The following MYH13 variants were observed in gnomAD, a reference collection of about 807,000 sequenced individuals.
MYH13 encodes the protein myosin-13.
MYH13 carries 177 observed loss-of-function variants against 232.1 expected under a neutral mutation model. The observed-to-expected ratio is 0.76, with a 90% CI of 0.67 to 0.86. MYH13 has a LOEUF of 0.86. MYH13 is among the 40% of genes least tolerant of loss of function. MYH13 has a pLI of 0.00. For synonymous variants in MYH13, 884 were observed against 923.5 expected (o/e 0.96, Z 0.78); for missense variants, 2,246 against 2,405.9 (o/e 0.93, Z 1.39).
chr17:10,345,651 A>G (rs2071658267), intron 13 of MYH13, 35 bp from the exon 14 acceptor site: 1 of 1,614,002 alleles, frequency 6.2e-7, no homozygotes, highest in Non-Finnish European at 8.5e-7. Context: ...CCCTTGAGTT[A>G]GTGTTTCTAT....
Position 10,337,542 on chromosome 17 carries a change from C to G in MYH13, c.2056+2608G>C, listed in dbSNP as rs1202538058. Among the ~76,000 whole-genome samples the G allele has an allele frequency of 3.3e-5, 5 of 152,176 alleles. No homozygotes were observed. In the East Asian group the frequency reaches 7.7e-4, roughly 23 times the overall value. Reference sequence around the variant, plus strand: ...TGGATCGTGACTCCCAGCCCCTGCTCTAGGTGCCCTGGGGTAAGGCATGGA... The same window carrying G: ...TGGATCGTGACTCCCAGCCCCTGCTGTAGGTGCCCTGGGGTAAGGCATGGA... On this transcript the variant is annotated intron_variant, in intron 18 of 40. Transcript: ENST00000252172.
chr17:10,341,224 G>C (rs940025700), intron 16 of MYH13: 3 of 151,918 alleles, frequency 2.0e-5, no homozygotes, highest in Non-Finnish European at 4.4e-5. Flanking sequence ...TGTATTTTTA[G>C]TAGAGATGTT....
intron 7 of MYH13, among the ~76,000 whole-genome samples, chr17:10,359,215 A>G (rs1179280516): frequency 3.9e-5 from 6 of 152,198 alleles, no homozygotes; most frequent in Admixed American, 3.9e-4. Flanking sequence ...GCGTGATTAG[A>G]GAGTTGGAAC....
At chr17:10,328,554 A>C (rs1285042091) in intron 21 of MYH13, among the ~76,000 whole-genome samples, 2 of 151,928 alleles carry the variant, frequency 1.3e-5, no homozygotes, top group African/African-American at 4.8e-5. Flanking sequence ...TCCCTGTTTC[A>C]CTGCATTTTG....
intron 18 of MYH13, among the ~76,000 whole-genome samples, chr17:10,339,232 A>G (rs1413799784): frequency 6.6e-6 from 1 of 152,214 alleles, no homozygotes; most frequent in Non-Finnish European, 1.5e-5. Flanking sequence ...TCCGTGTGAC[A>G]GTTTGTTTTC....
Position 10,354,727 on chromosome 17 carries a change from C to G in MYH13, c.958G>C (p.Val320Leu), listed in dbSNP as rs370056539. 36 of 1,613,846 alleles carry G rather than the reference C, an allele frequency of 2.2e-5. No individual in the cohort carries two copies. The highest frequency in any genetic ancestry group is 2.5e-5 in the Non-Finnish European group (29 of 1,179,908). Residue 320 changes from valine (V) to leucine (L), a missense_variant, in exon 11 of 41, where the codon GTC becomes CTC. Val to Leu is a conservative substitution (Grantham distance 32). Coordinates refer to ENST00000252172, the MANE Select transcript of MYH13 (RefSeq NM_003802.3). ...FDFPFVSQGE[V>L]TVASIDDSEE... ...CTGTCATCGATACTGGCTACCGTGA[C>G]CTCTCCTTGGCTCACGAAGGGGAAG...
At chr17:10,321,493 A>G (rs775497245) in intron 24 of MYH13, 39 bp downstream of exon 24, 9 of 1,579,208 alleles carry the variant, frequency 5.7e-6, no homozygotes, top group Non-Finnish European at 7.8e-6. Flanking sequence ...TGCTTCCACA[A>G]GTGATAAATG....
At chr17:10,301,105 G>A (rs1466405015) in intron 40 of MYH13, 140 bp from the exon 41 acceptor site, 6 of 804,970 alleles carry the variant, frequency 7.5e-6, no homozygotes, top group African/African-American at 1.7e-5. Context: ...TTTGAACATT[G>A]TAAAAGCAAA....
At chr17:10,353,480 G>A (rs1206228357) in intron 11 of MYH13, among the ~76,000 whole-genome samples, 1 of 152,144 alleles carries the variant, frequency 6.6e-6, no homozygotes, top group Non-Finnish European at 1.5e-5. Context: ...TTGTATGGGT[G>A]GAGCCAACAA....
intron 12 of MYH13, among the ~76,000 whole-genome samples, chr17:10,349,567 G>C (rs2071694067): frequency 1.3e-5 from 2 of 151,976 alleles, no homozygotes; most frequent in Non-Finnish European, 2.9e-5. Context: ...CACTGTGATG[G>C]GCAGGATTCT....
At chr17:10,331,881 A>G (rs1773741240) in intron 20 of MYH13, among the ~76,000 whole-genome samples, 4 of 152,038 alleles carry the variant, frequency 2.6e-5, no homozygotes, top group African/African-American at 7.2e-5. Context: ...TCCTTGCTGC[A>G]TGGTGGGGCT....
chr17:10,353,680 C>G (rs2071726814), intron 11 of MYH13, among the ~76,000 whole-genome samples: 1 of 152,088 alleles, frequency 6.6e-6, no homozygotes, highest in African/African-American at 2.4e-5. Context: ...GCCTGGCCAA[C>G]ATGGCGAAAC....
intron 8 of MYH13, among the ~76,000 whole-genome samples, chr17:10,357,004 A>C (rs1393161839): frequency 6.6e-6 from 1 of 152,142 alleles, no homozygotes; most frequent in East Asian, 1.9e-4. Flanking sequence ...TCTGTTGCCC[A>C]GGCTGGAGTG....
rs781052633 is a variant in MYH13 at position 10,303,306 on chromosome 17, C to T, written c.5572-15G>A. ...TCCTCCTCAGCCTGCAAACAGAGTA[C>T]ACGTGGCAGGGGCCCGCAAACCTAT... is the stretch of plus-strand genomic sequence containing the variant. On this transcript the variant is annotated splice_polypyrimidine_tract_variant and intron_variant, in intron 38 of 40. Coordinates refer to ENST00000252172, the MANE Select transcript of MYH13 (RefSeq NM_003802.3). 3 of 1,613,900 alleles carry T rather than the reference C, an allele frequency of 1.9e-6. No homozygotes were observed. Among genetic ancestry groups the T allele is most frequent in the Admixed American group, 3.3e-5 (2 of 60,020 alleles).
intron 33 of MYH13, 80 bp from the exon 34 acceptor site, chr17:10,309,910 A>T: frequency 1.7e-6 from 2 of 1,195,410 alleles, no homozygotes; most frequent in Non-Finnish European, 2.3e-6. Context: ...CATACGATCA[A>T]ATGGGTATGC....
At chr17:10,323,998 T>G (rs2142237640) in intron 23 of MYH13, 24 bp downstream of exon 23, 1 of 1,612,702 alleles carries the variant, frequency 6.2e-7, no homozygotes, top group East Asian at 2.2e-5. Flanking sequence ...TAAGACACTG[T>G]GGGAGTCCCT....
rs372688195 is a variant in MYH13 at position 10,303,275 on chromosome 17, T to C, written c.5588A>G (p.Lys1863Arg). The C allele has an allele frequency of 5.0e-6, 8 of 1,613,652 alleles. No individual in the cohort carries two copies. In the African/African-American group the frequency reaches 9.3e-5, roughly 19 times the overall value. The stretch of plus-strand genomic sequence containing the variant: ...CAGGTCCTGGAGCCTAAGGATATTC[T>C]TGTGGTCCTCCTCAGCCTGCAAACA... ...EMTYQAEEDH[K>R]NILRLQDLVD... Residue 1863 changes from lysine (K) to arginine (R), a missense_variant, in exon 39 of 41, where the codon AAG becomes AGG. Transcript: ENST00000252172.
chr17:10,329,906 G>C (rs1158015166), intron 21 of MYH13, among the ~76,000 whole-genome samples: 1 of 151,904 alleles, frequency 6.6e-6, no homozygotes, highest in Non-Finnish European at 1.5e-5. Context: ...AGGCTGAGGC[G>C]GGAGAATCGC....
chr17:10,364,000 T>C (rs1212680206), intron 3 of MYH13, among the ~76,000 whole-genome samples: 2 of 152,188 alleles, frequency 1.3e-5, no homozygotes, highest in Non-Finnish European at 2.9e-5. Context: ...TAGCAGCCAC[T>C]CTGCAGCCCA....
Sources: gnomAD v4.1 joint callset for allele counts (sites outside exome capture counted in the v4.1 genomes callset) on GRCh38, gnomAD v4.1.1 for gene constraint, MANE v1.5 for transcripts, NCBI Gene and HGNC (gene_info 2026-07-23, HGNC 2026-07-21) for gene names.